Variants in PITPNM2 observed in about 807,000 individuals in gnomAD.
PITPNM2 encodes the protein phosphatidylinositol transfer protein membrane associated 2.
PITPNM2 carries 35 observed loss-of-function variants against 132.2 expected under a neutral mutation model. That is an observed-to-expected ratio of 0.26 (90% CI 0.20 to 0.35). PITPNM2 has a LOEUF of 0.35. Ranked by LOEUF, PITPNM2 falls within the 10% of genes least tolerant of loss-of-function variation. The probability of loss-of-function intolerance (pLI) is 1.00; values close to 1 mark genes in which losing one functional copy is unlikely to be tolerated. For missense variants in PITPNM2, 1,332 were observed against 1,912.0 expected, an observed-to-expected ratio of 0.70 and a Z score of 5.66; for synonymous variants, 738 against 799.2, an observed-to-expected ratio of 0.92 and a Z score of 1.29.
intron 2 of PITPNM2, among the ~76,000 whole-genome samples, chr12:123,068,423 G>A (rs886178647): frequency 6.6e-6 from 1 of 151,824 alleles, no homozygotes; most frequent in Non-Finnish European, 1.5e-5. Context: ...ACTCCAGCCT[G>A]GGCGACAGAG....
chr12:123,057,528 C>A (rs1389916067), intron 2 of PITPNM2, among the ~76,000 whole-genome samples: 1 of 152,124 alleles, frequency 6.6e-6, no homozygotes, highest in Non-Finnish European at 1.5e-5. Context: ...TTACAAAGTG[C>A]CGTAGACAAG....
rs563328871 is a variant in PITPNM2 at position 123,030,671 on chromosome 12, C to T, written c.78+3842G>A. Reference sequence around the variant, plus strand: ...TGACGCCACTGCACTCCACCCTGGGCGACAGAGCGAGACTCCATCTCAAAA... The same window carrying T: ...TGACGCCACTGCACTCCACCCTGGGTGACAGAGCGAGACTCCATCTCAAAA... On this transcript the variant is annotated intron_variant, in intron 3 of 25. Transcript: ENST00000320201. Among the ~76,000 whole-genome samples, 11 of 149,494 alleles carry T rather than the reference C, an allele frequency of 7.4e-5. No individual in the cohort carries two copies. The East Asian group carries it at 1.8e-3, about 24-fold the overall frequency.
In PITPNM2 at chr12:123,033,328, C is replaced by T. The variant is rs535939463; in HGVS notation, c.78+1185G>A. On this transcript the variant is annotated intron_variant, in intron 3 of 25. Coordinates refer to ENST00000320201, the MANE Select transcript of PITPNM2 (RefSeq NM_020845.3). ...CAGGCACTGAGGGTGGACAGAAGGC[C>T]AGCAGGAGAGCTGGGATGGAACCTC... Among the ~76,000 whole-genome samples the T allele has an allele frequency of 4.6e-5, 7 of 152,262 alleles. No individual in the cohort carries two copies. The East Asian group carries it at 1.4e-3, about 29-fold the overall frequency.
At chr12:123,100,349 G>A (rs1489915831) in intron 2 of PITPNM2, among the ~76,000 whole-genome samples, 1 of 152,192 alleles carries the variant, frequency 6.6e-6, no homozygotes, top group Non-Finnish European at 1.5e-5. Context: ...ACACAAGCTG[G>A]GCATGGTGGC....
At chr12:123,120,953 C>A (rs758841749) in intron 1 of PITPNM2, among the ~76,000 whole-genome samples, 1 of 152,240 alleles carries the variant, frequency 6.6e-6, no homozygotes, top group Non-Finnish European at 1.5e-5. Flanking sequence ...CGGCAGCAGG[C>A]CAGAGACACA....
intron 1 of PITPNM2, among the ~76,000 whole-genome samples, chr12:123,134,993 C>T (rs549000469): frequency 1.3e-5 from 2 of 152,292 alleles, no homozygotes; most frequent in South Asian, 2.1e-4. Flanking sequence ...TTCAGCTGCA[C>T]GATAGATCAT....
intron 2 of PITPNM2, among the ~76,000 whole-genome samples, chr12:123,103,103 T>C (rs1425515612): frequency 6.6e-6 from 1 of 152,216 alleles, no homozygotes; most frequent in Non-Finnish European, 1.5e-5. Flanking sequence ...GAATCATGGG[T>C]TTAAACAAAC....
In PITPNM2 at chr12:123,038,651, A is replaced by G. The variant is rs536572960; in HGVS notation, c.-95-3966T>C. Among the ~76,000 whole-genome samples the G allele has an allele frequency of 7.2e-5, 11 of 152,236 alleles. No individual in the cohort carries two copies. The South Asian group carries it at 2.3e-3, about 32-fold the overall frequency. ...AGTACTCAATCCAGTAAGAAGGAAC[A>G]GCGTGAGCAAAGGCCCCAGGGCAGG... is the stretch of plus-strand genomic sequence containing the variant. On this transcript the variant is annotated intron_variant, in intron 2 of 25. Coordinates refer to ENST00000320201, the MANE Select transcript of PITPNM2 (RefSeq NM_020845.3).
At chr12:123,027,048 C>T (rs917735580) in intron 3 of PITPNM2, among the ~76,000 whole-genome samples, 1 of 152,100 alleles carries the variant, frequency 6.6e-6, no homozygotes, top group Admixed American at 6.5e-5. Context: ...GGGGTGAGTG[C>T]CCACAATGGC....
Position 123,005,439 on chromosome 12 carries a change from G to A in PITPNM2, c.753C>T (p.Leu251=). ...NIRELEKEAQ[L]MLSRKMAQFN... Reference sequence around the variant, plus strand: ...ACTGGGCCATCTTACGGGAAAGCATGAGCTGTGCCTCCTTCTCCAGCTCCC... The same window carrying A: ...ACTGGGCCATCTTACGGGAAAGCATAAGCTGTGCCTCCTTCTCCAGCTCCC... Residue 251 remains leucine (L), a synonymous_variant, in exon 7 of 26, where the codon CTC becomes CTT. Transcript: ENST00000320201. This position sits in a 1 kb window ranked among gnomAD's most constrained non-coding sequence, Gnocchi z 6.2. 6.2e-6 allele frequency: 10 copies of A among 1,614,116 alleles called. No individual in the cohort carries two copies. The highest frequency in any genetic ancestry group is 8.5e-6 in the Non-Finnish European group (10 of 1,180,022).
At chr12:122,986,387 G>T in intron 25 of PITPNM2, 37 bp from the exon 26 acceptor site, 1 of 1,566,948 alleles carries the variant, frequency 6.4e-7, no homozygotes, top group Non-Finnish European at 8.6e-7. Context: ...ACAGGCTGGG[G>T]CTCCCCGAGC....
intron 2 of PITPNM2, among the ~76,000 whole-genome samples, chr12:123,073,842 C>T (rs547889964): frequency 6.6e-6 from 1 of 152,296 alleles, no homozygotes; most frequent in African/African-American, 2.4e-5. Flanking sequence ...CCCCAGGCTG[C>T]CTGCTCCTTC....
Position 122,994,681 on chromosome 12 carries a change from A to T in PITPNM2, c.2233+120T>A. On this transcript the variant is annotated intron_variant, in intron 15 of 25. Coordinates refer to ENST00000320201, the MANE Select transcript of PITPNM2 (RefSeq NM_020845.3). The surrounding 1 kb of genome is among the most constrained non-coding windows in gnomAD (Gnocchi z 5.4). ...GCAAGGGGCCCTTGGTGGGGAAGAC[A>T]GGAAGGAGGGCAGAAACAGGCCTGG... 8.6e-7 allele frequency: 1 copy of T among 1,167,038 alleles called. No individual in the cohort carries two copies. The highest frequency in any genetic ancestry group is 1.6e-5 in the African/African-American group (1 of 64,228). 72.3% of individuals were successfully genotyped at this position (1,167,038 alleles called of 1,614,324 possible).
At chr12:122,987,212 C>T in intron 23 of PITPNM2, 69 bp downstream of exon 23, 1 of 1,590,758 alleles carries the variant, frequency 6.3e-7, no homozygotes, top group Non-Finnish European at 8.6e-7. Flanking sequence ...CCTCCTCCAC[C>T]TGGCTGGTGG....
At chr12:123,024,984 T>C (rs1317991983) in intron 3 of PITPNM2, among the ~76,000 whole-genome samples, 2 of 152,110 alleles carry the variant, frequency 1.3e-5, no homozygotes, top group Non-Finnish European at 2.9e-5. Context: ...AAATCAAATG[T>C]GGCAAGCAGG....
In PITPNM2 at chr12:123,023,847, C is replaced by T. The variant is rs1050217571; in HGVS notation, c.79-9805G>A. Among the ~76,000 whole-genome samples, 4 of 152,120 alleles carry T rather than the reference C, an allele frequency of 2.6e-5. No homozygotes were observed. Among genetic ancestry groups the T allele is most frequent in the East Asian group, 1.9e-4 (1 of 5,196 alleles). On this transcript the variant is annotated intron_variant, in intron 3 of 25. Coordinates refer to ENST00000320201, the MANE Select transcript of PITPNM2 (RefSeq NM_020845.3). This position sits in a 1 kb window ranked among gnomAD's most constrained non-coding sequence, Gnocchi z 4.8. ...CACTAAAAAGAAAGTGAAAAAACAA[C>T]GTACAAAATGGGAGAGAATTTTTAT... is the stretch of plus-strand genomic sequence containing the variant.
rs1189214440 is a variant in PITPNM2, at chr12:122,993,284, C to T, written c.2234-615G>A. Among the ~76,000 whole-genome samples, 1 of 152,212 alleles carries T rather than the reference C, an allele frequency of 6.6e-6. No homozygotes were observed. Among genetic ancestry groups the T allele is most frequent in the Non-Finnish European group, 1.5e-5 (1 of 68,040 alleles). Reference sequence around the variant, plus strand: ...TTGCGGGAGCACCACCGAGTGCTGGCTAGGGCAGCCCTGCCCTGCCTGTAT... The same window carrying T: ...TTGCGGGAGCACCACCGAGTGCTGGTTAGGGCAGCCCTGCCCTGCCTGTAT... On this transcript the variant is annotated intron_variant, in intron 15 of 25. Coordinates refer to ENST00000320201, the MANE Select transcript of PITPNM2 (RefSeq NM_020845.3). The surrounding 1 kb of genome is among the most constrained non-coding windows in gnomAD (Gnocchi z 5.2).
chr12:123,013,261 C>T (rs1357786462), intron 4 of PITPNM2, among the ~76,000 whole-genome samples: 1 of 152,218 alleles, frequency 6.6e-6, no homozygotes, highest in Non-Finnish European at 1.5e-5. Context: ...GGGGACCCCA[C>T]CTGCTCAGCA....
At position 123,005,828 on chromosome 12, in the gene PITPNM2, T is replaced by C; in HGVS notation, c.644-280A>G. The stretch of plus-strand genomic sequence containing the variant: ...AGAAGCCACAGTTGGAAGGGCGCAG[T>C]GGCTCATGCCTGTAATCCCAACACT... On this transcript the variant is annotated intron_variant, in intron 6 of 25. Transcript: ENST00000320201. The surrounding 1 kb of genome is among the most constrained non-coding windows in gnomAD (Gnocchi z 6.2). 1 of 478,430 alleles carries C rather than the reference T, an allele frequency of 2.1e-6. No individual in the cohort carries two copies. The highest frequency in any genetic ancestry group is 3.5e-5 in the East Asian group (1 of 28,474). The allele number at this position is 478,430 out of a possible 1,614,324, so 29.6% of individuals were successfully genotyped here.
Sources: allele counts gnomAD v4.1 joint callset (sites outside exome capture counted in the v4.1 genomes callset), GRCh38; gene constraint gnomAD v4.1.1; non-coding constraint Gnocchi (gnomAD v3.1); transcripts MANE v1.5; gene names NCBI Gene and HGNC (gene_info 2026-07-23, HGNC 2026-07-21).